Variants in VPS41 observed in about 807,000 individuals in gnomAD.
The protein encoded by VPS41 is vacuolar protein sorting-associated protein 41 homolog.
In VPS41, 85 loss-of-function variants were observed where a neutral mutation model predicts 130.9. The observed-to-expected ratio is 0.65, with a 90% confidence interval of 0.55 to 0.78. The LOEUF (loss-of-function observed/expected upper bound fraction) is 0.78. VPS41 is among the 30% of genes least tolerant of loss of function. The probability of loss-of-function intolerance (pLI) is 0.00; values close to 1 mark genes in which losing one functional copy is unlikely to be tolerated. For synonymous variants in VPS41, 335 were observed against 332.9 expected (o/e 1.01, Z -0.07); for missense variants, 874 against 1,018.7 (o/e 0.86, Z 1.93).
intron 23 of VPS41, among the ~76,000 whole-genome samples, chr7:38,744,777 A>G (rs1316802601): frequency 2.0e-5 from 3 of 152,170 alleles, no homozygotes; most frequent in Non-Finnish European, 4.4e-5. Context: ...TTTGTGGCTG[A>G]GCACCCATGA....
At chr7:38,898,274 C>G (rs914238189) in intron 1 of VPS41, 145 bp from the exon 2 acceptor site, 2 of 618,476 alleles carry the variant, frequency 3.2e-6, no homozygotes, top group Non-Finnish European at 5.7e-6. Context: ...GGACCACATG[C>G]TCTGACTTTC....
chr7:38,763,349 T>C, intron 17 of VPS41, 106 bp downstream of exon 17: 1 of 697,554 alleles, frequency 1.4e-6, no homozygotes, highest in Non-Finnish European at 2.2e-6. Context: ...ACATGCAAAC[T>C]ACAAATCTGT....
chr7:38,855,284 C>G (rs1785958042), intron 4 of VPS41, among the ~76,000 whole-genome samples: 1 of 148,100 alleles, frequency 6.8e-6, no homozygotes, highest in Non-Finnish European at 1.5e-5. Context: ...AACACTGAAT[C>G]TTCACGATGA....
chr7:38,743,525 G>A lies in VPS41; in HGVS notation c.1999C>T (p.Arg667Ter), dbSNP rs759692686. Reference sequence around the variant, plus strand: ...TCCATAATCATCTTCAGGGCACTTCGGCTATTACCCATTCGGCCTTGGTGG... The same window carrying A: ...TCCATAATCATCTTCAGGGCACTTCAGCTATTACCCATTCGGCCTTGGTGG... ...VYLLSRMGNSRSALKMIMEEL... is the reference protein window; with the variant it reads ...VYLLSRMGNS Residue 667 changes from arginine to a stop codon, truncating the protein, a stop_gained, in exon 24 of 29, where the codon CGA becomes TGA. Coordinates refer to ENST00000310301, the MANE Select transcript of VPS41 (RefSeq NM_014396.4). LOFTEE classifies it high-confidence loss of function. 2.2e-5 allele frequency: 35 copies of A among 1,613,570 alleles called. No homozygotes were observed. The highest frequency in any genetic ancestry group is 1.3e-4 in the African/African-American group (10 of 74,848).
chr7:38,874,137 A>G (rs1022937046), intron 2 of VPS41, among the ~76,000 whole-genome samples: 1 of 152,210 alleles, frequency 6.6e-6, no homozygotes. Flanking sequence ...TCTTGTTTAA[A>G]CATATCTTTC....
At chr7:38,778,041 C>T (rs568939696) in intron 10 of VPS41, among the ~76,000 whole-genome samples, 161 of 152,276 alleles carry the variant, frequency 1.1e-3, no homozygotes, top group African/African-American at 3.4e-3. Flanking sequence ...ATTTAATTTT[C>T]GCACCAAAAT....
At chr7:38,893,937 G>A (rs1262598522) in intron 2 of VPS41, among the ~76,000 whole-genome samples, 2 of 151,880 alleles carry the variant, frequency 1.3e-5, no homozygotes, top group Non-Finnish European at 2.9e-5. Context: ...ATTAAAATAA[G>A]ACCTTCAGAT....
intron 4 of VPS41, among the ~76,000 whole-genome samples, chr7:38,842,510 C>T (rs532774866): frequency 6.6e-6 from 1 of 152,126 alleles, no homozygotes; most frequent in Admixed American, 6.5e-5. Flanking sequence ...TTAAGAGCTG[C>T]CCTTTCATCC....
At chr7:38,819,337 A>G (rs753845287) in intron 6 of VPS41, among the ~76,000 whole-genome samples, 4 of 152,186 alleles carry the variant, frequency 2.6e-5, no homozygotes, top group Non-Finnish European at 5.9e-5. Context: ...CTGCTCCAAG[A>G]AGCATTCTCT....
intron 9 of VPS41, 48 bp downstream of exon 9, chr7:38,795,417 A>G: frequency 6.4e-7 from 1 of 1,558,460 alleles, no homozygotes; most frequent in Admixed American, 1.8e-5. Flanking sequence ...GACCACCCTC[A>G]GTGGATCTAT....
Position 38,758,378 on chromosome 7 carries a change from G to C in VPS41, c.1526C>G (p.Thr509Ser). The C allele has an allele frequency of 6.2e-7, 1 of 1,612,806 alleles. No individual in the cohort carries two copies. Residue 509 changes from threonine (T) to serine (S), a missense_variant, in exon 18 of 29, where the codon ACT becomes AGT. Thr to Ser is a moderately conservative substitution (Grantham distance 58, BLOSUM62 1). Coordinates refer to ENST00000310301, the MANE Select transcript of VPS41 (RefSeq NM_014396.4). The stretch of plus-strand genomic sequence containing the variant: ...CAATTCTGCCAGGGTTTTAAGTAAA[G>C]TCTTGTTCTGACTATCTTTCTTCAA... ...DHLKKDSQNKTLLKTLAELYT... is the reference protein window; with the variant it reads ...DHLKKDSQNKSLLKTLAELYT...
intron 3 of VPS41, among the ~76,000 whole-genome samples, chr7:38,866,043 A>T (rs1333384374): frequency 6.6e-6 from 1 of 152,232 alleles, no homozygotes; most frequent in Non-Finnish European, 1.5e-5. Flanking sequence ...TATGTGCATT[A>T]GTTCCCAGGA....
chr7:38,807,325 G>A (rs747255693), intron 7 of VPS41, among the ~76,000 whole-genome samples: 3 of 152,158 alleles, frequency 2.0e-5, no homozygotes, highest in Non-Finnish European at 4.4e-5. Context: ...TAGACAGCTT[G>A]TACCAATTTT....
intron 3 of VPS41, among the ~76,000 whole-genome samples, chr7:38,864,938 A>T (rs1463747206): frequency 6.6e-6 from 1 of 152,118 alleles, no homozygotes. Flanking sequence ...TAAGTAACTT[A>T]AGTAACTGAT....
At chr7:38,833,553 G>A (rs1436736323) in intron 4 of VPS41, among the ~76,000 whole-genome samples, 1 of 152,080 alleles carries the variant, frequency 6.6e-6, no homozygotes, top group African/African-American at 2.4e-5. Context: ...ATGCCTTTCT[G>A]CCTACTCTGT....
chr7:38,723,027 T>A lies in VPS41; in HGVS notation c.*3219A>T, dbSNP rs1267110326. On this transcript the variant is annotated 3_prime_UTR_variant, in exon 29 of 29. Transcript: ENST00000310301. ...GCTATATTCTTATAATAAAGCAAGC[T>A]AAAGAAAATAGTAAGAAAATCATAA... 6.6e-6 allele frequency: 1 copy of A among 152,122 alleles called. No homozygotes were observed. Among genetic ancestry groups the A allele is most frequent in the Admixed American group, 6.6e-5 (1 of 15,266 alleles). The allele number at this position is 152,122 out of a possible 1,614,324, so 9.4% of individuals were successfully genotyped here. A position where few individuals can be genotyped will look rare whatever the true frequency, so the allele number is the denominator to read the frequency against.
chr7:38,786,698 A>C (rs1375851879), intron 10 of VPS41, among the ~76,000 whole-genome samples: 1 of 152,204 alleles, frequency 6.6e-6, no homozygotes, highest in African/African-American at 2.4e-5. Flanking sequence ...TTTATACTGA[A>C]CTATCTATAA....
At position 38,810,492 on chromosome 7, in the gene VPS41, T is replaced by A. The variant is rs886887268; in HGVS notation, c.450+7325A>T. Reference sequence around the variant, plus strand: ...AAGAACTATTAAATATTAATAGACATCTCTCTCAAATTTTCTTATGACTTC... The same window carrying A: ...AAGAACTATTAAATATTAATAGACAACTCTCTCAAATTTTCTTATGACTTC... On this transcript the variant is annotated intron_variant, in intron 7 of 28. Transcript: ENST00000310301. 9.8e-5 allele frequency among the ~76,000 whole-genome samples: 15 copies of A among 152,288 alleles called. 1 individual carries two copies. Among genetic ancestry groups the A allele is most frequent in the Admixed American group, 3.9e-4 (6 of 15,292 alleles).
chr7:38,735,183 AAAC>A (rs1795739308), intron 25 of VPS41, among the ~76,000 whole-genome samples: 2 of 152,224 alleles, frequency 1.3e-5, no homozygotes, highest in Non-Finnish European at 2.9e-5. Flanking sequence ...TTCAAAAGGA[AAAC>A]AACAAATCTC....
Sources: gnomAD v4.1 joint callset for allele counts (sites outside exome capture counted in the v4.1 genomes callset) on GRCh38, gnomAD v4.1.1 for gene constraint, MANE v1.5 for transcripts, NCBI Gene and HGNC (gene_info 2026-07-23, HGNC 2026-07-21) for gene names.